Variants in MIDEAS observed in about 807,000 individuals in gnomAD.
MIDEAS encodes mitotic deacetylase associated SANT domain protein, also known as mitotic deacetylase-associated SANT domain protein.
Under a neutral mutation model 102.7 loss-of-function variants are expected in MIDEAS, and 26 were observed. The observed-to-expected ratio is 0.25, with a 90% CI of 0.19 to 0.35. The LOEUF (loss-of-function observed/expected upper bound fraction) is 0.35, where lower values mean the gene tolerates loss of function less well. Among genes scored for constraint, MIDEAS ranks in the 10% least tolerant of loss-of-function variants. MIDEAS has a pLI of 1.00. For synonymous variants in MIDEAS, 585 were observed against 591.0 expected, an observed-to-expected ratio of 0.99 and a Z score of 0.15; for missense variants, 1,231 against 1,435.6, an observed-to-expected ratio of 0.86 and a Z score of 2.30.
chr14:73,736,295 G>T (rs116169841), intron 3 of MIDEAS, among the ~76,000 whole-genome samples: 1,815 of 152,082 alleles, frequency 0.012, 29 homozygotes, highest in African/African-American at 0.042. Context: ...TAAAACAAAT[G>T]ATGACAGAAC....
chr14:73,763,576 C>T (rs1449777883), upstream of MIDEAS, among the ~76,000 whole-genome samples: 1 of 152,166 alleles, frequency 6.6e-6, no homozygotes, highest in African/African-American at 2.4e-5. Flanking sequence ...GGCCAGCACA[C>T]GTGGTGTGTT....
At chr14:73,746,643 C>A (rs1404195220) in intron 1 of MIDEAS, among the ~76,000 whole-genome samples, 3 of 152,188 alleles carry the variant, frequency 2.0e-5, no homozygotes, top group Admixed American at 2.0e-4. Context: ...GCCTGGCTCC[C>A]CAGCAGGGCT....
chr14:73,785,869 A>C (rs2053802893), intron 1 of MIDEAS, among the ~76,000 whole-genome samples: 1 of 152,208 alleles, frequency 6.6e-6, no homozygotes, highest in Non-Finnish European at 1.5e-5. Context: ...AGGTAATGAA[A>C]TAAATCACCT....
At chr14:73,769,037 G>A (rs1191059547) in intron 1 of MIDEAS, among the ~76,000 whole-genome samples, 1 of 152,144 alleles carries the variant, frequency 6.6e-6, no homozygotes, top group African/African-American at 2.4e-5. Context: ...GCTGGCCTCT[G>A]AGTGCGTAAC....
rs79547755 is a variant in MIDEAS, at chr14:73,718,642, C to G, written c.*201G>C. 0.14 allele frequency: 65,922 copies of G among 463,800 alleles called. 5,172 individuals are homozygous for G. The highest frequency in any genetic ancestry group is 0.23 in the South Asian group (3,058 of 13,572). 28.7% of individuals were successfully genotyped at this position (463,800 alleles called of 1,614,324 possible). On this transcript the variant is annotated 3_prime_UTR_variant, in exon 13 of 13. Transcript: ENST00000423556. The stretch of plus-strand genomic sequence containing the variant: ...TCCGACAGACCAAATGCAAAGAGAG[C>G]TGGATCCTGGAGCCCTTAACGCTGC...
chr14:73,778,684 A>G (rs1022263695), intron 1 of MIDEAS, among the ~76,000 whole-genome samples: 6 of 152,016 alleles, frequency 3.9e-5, no homozygotes, highest in African/African-American at 9.7e-5. Context: ...AGGAGGGGAC[A>G]TGGAGGGCTA....
intron 5 of MIDEAS, 120 bp from the exon 6 acceptor site, chr14:73,727,092 T>A: frequency 7.7e-7 from 1 of 1,298,856 alleles, no homozygotes; most frequent in Non-Finnish European, 1.0e-6. Context: ...CAGCTAGGTG[T>A]AGGGAGTCTG....
chr14:73,745,236 A>AC (rs2053336669), intron 1 of MIDEAS, among the ~76,000 whole-genome samples: 1 of 152,032 alleles, frequency 6.6e-6, no homozygotes, highest in Non-Finnish European at 1.5e-5. Context: ...CTCTACACCT[A>AC]TGTGGAACAC....
rs2053289030 is a variant in MIDEAS, at chr14:73,742,145, A to G, written c.-247-1890T>C. Among the ~76,000 whole-genome samples, 1 of 152,238 alleles carries G rather than the reference A, an allele frequency of 6.6e-6. No individual in the cohort carries two copies. Among genetic ancestry groups the G allele is most frequent in the Non-Finnish European group, 1.5e-5 (1 of 68,040 alleles). ...CTCCGAGGGAACATCAAGCCCACAG[A>G]ACTAGAAGTGCGTGTCTGCAGAAGC... On this transcript the variant is annotated intron_variant, in intron 1 of 12. Transcript: ENST00000423556. This position sits in a 1 kb window ranked among gnomAD's most constrained non-coding sequence, Gnocchi z 4.4.
intron 1 of MIDEAS, among the ~76,000 whole-genome samples, chr14:73,748,201 A>G (rs1380231910): frequency 6.6e-6 from 1 of 152,188 alleles, no homozygotes; most frequent in Non-Finnish European, 1.5e-5. Context: ...CATAAATCCT[A>G]CCTTATCCAT....
chr14:73,722,673 C>T, intron 10 of MIDEAS, 25 bp downstream of exon 10: 1 of 1,611,132 alleles, frequency 6.2e-7, no homozygotes. Flanking sequence ...AGGCTCTATG[C>T]AGCTGAGGTT....
intron 1 of MIDEAS, among the ~76,000 whole-genome samples, chr14:73,786,427 G>A (rs1304143560): frequency 6.6e-6 from 1 of 152,210 alleles, no homozygotes; most frequent in Non-Finnish European, 1.5e-5. Flanking sequence ...ACATATGTAC[G>A]TGGGTGTGCT....
chr14:73,745,981 G>A (rs2053346681), intron 1 of MIDEAS, among the ~76,000 whole-genome samples: 2 of 152,226 alleles, frequency 1.3e-5, no homozygotes. Context: ...AGGCCAGAGA[G>A]TCACGAGTCC....
chr14:73,735,399 C>T (rs1169517848), intron 3 of MIDEAS, among the ~76,000 whole-genome samples: 4 of 152,212 alleles, frequency 2.6e-5, no homozygotes, highest in South Asian at 2.1e-4. Context: ...AATGGGGTTT[C>T]GCCATGTTGG....
chr14:73,731,396 C>T (rs1161324898), intron 3 of MIDEAS, among the ~76,000 whole-genome samples: 1 of 152,144 alleles, frequency 6.6e-6, no homozygotes, highest in Non-Finnish European at 1.5e-5. Context: ...CCATCTGTGC[C>T]CTCTTTTCCC....
intron 1 of MIDEAS, among the ~76,000 whole-genome samples, chr14:73,746,085 A>G (rs1286839215): frequency 1.3e-5 from 2 of 152,208 alleles, no homozygotes; most frequent in Non-Finnish European, 1.5e-5. Context: ...AATGCCAACC[A>G]CTGAGATGCT....
At chr14:73,721,187 CTA>C in intron 11 of MIDEAS, 108 bp downstream of exon 11, 2 of 1,011,752 alleles carry the variant, frequency 2.0e-6, no homozygotes, top group Non-Finnish European at 3.0e-6. Flanking sequence ...ACATTTCCTG[CTA>C]TTATGATTAT....
At chr14:73,789,514 C>T (rs1210054934), upstream of MIDEAS, among the ~76,000 whole-genome samples, 1 of 152,142 alleles carries the variant, frequency 6.6e-6, no homozygotes, top group African/African-American at 2.4e-5. Context: ...ATTCCTGACC[C>T]ACAGAAACTA....
intron 1 of MIDEAS, among the ~76,000 whole-genome samples, chr14:73,777,946 A>C (rs1471433129): frequency 6.6e-6 from 1 of 151,936 alleles, no homozygotes; most frequent in Non-Finnish European, 1.5e-5. Context: ...TGGGGACCTG[A>C]AGCTTCTTTA....
Sources: gnomAD v4.1 joint callset for allele counts (sites outside exome capture counted in the v4.1 genomes callset) on GRCh38, gnomAD v4.1.1 for gene constraint, Gnocchi (gnomAD v3.1) non-coding constraint, MANE v1.5 for transcripts, NCBI Gene and HGNC (gene_info 2026-07-23, HGNC 2026-07-21) for gene names.